RFTN1: variants seen among roughly 807,000 people sequenced by gnomAD.
The protein encoded by RFTN1 is raftlin, lipid raft linker 1.
RFTN1 carries 26 observed loss-of-function variants against 46.5 expected under a neutral mutation model. The ratio of observed to expected loss-of-function variants is 0.56; its 90% CI spans 0.41 to 0.78. The LOEUF is 0.78. Among genes scored for constraint, RFTN1 ranks in the 30% least tolerant of loss-of-function variants. The pLI is 0.00. For synonymous variants in RFTN1, 261 were observed against 284.2 expected (o/e 0.92, Z 0.82); for missense variants, 693 against 718.7 (o/e 0.96, Z 0.41).
rs748788340 is a variant in RFTN1 at position 16,506,024 on chromosome 3, C to G, written c.-9+7418G>C. ...TTACCTTCAGAAGCCGAGAAACAGG[C>G]AATAGACAAACAAATAAAAATAATA... On this transcript the variant is annotated intron_variant, in intron 1 of 9. Transcript: ENST00000334133. This position sits in a 1 kb window ranked among gnomAD's most constrained non-coding sequence, Gnocchi z 4.8. Among the ~76,000 whole-genome samples, 1 of 152,026 alleles carries G rather than the reference C, an allele frequency of 6.6e-6. No homozygotes were observed. Among genetic ancestry groups the G allele is most frequent in the Non-Finnish European group, 1.5e-5 (1 of 68,018 alleles).
At chr3:16,423,536 G>C (rs1575268937) in intron 3 of RFTN1, among the ~76,000 whole-genome samples, 1 of 152,180 alleles carries the variant, frequency 6.6e-6, no homozygotes, top group Admixed American at 6.5e-5. Flanking sequence ...CACTGGCTTG[G>C]ACAAGTACCA....
intron 1 of RFTN1, among the ~76,000 whole-genome samples, chr3:16,495,221 T>G (rs989548242): frequency 1.3e-5 from 2 of 152,232 alleles, no homozygotes; most frequent in Non-Finnish European, 2.9e-5. Flanking sequence ...ACTCTGTAGT[T>G]CTGCAGATGA....
In RFTN1 at chr3:16,345,920, T is replaced by A. The variant is rs1460364418; in HGVS notation, c.1146+12012A>T. On this transcript the variant is annotated intron_variant, in intron 7 of 9. Coordinates refer to ENST00000334133, the MANE Select transcript of RFTN1 (RefSeq NM_015150.2). This position sits in a 1 kb window ranked among gnomAD's most constrained non-coding sequence, Gnocchi z 5.2. The stretch of plus-strand genomic sequence containing the variant: ...CCCTAATACACTTCTTTCTTGTTGT[T>A]CTGTGGCATACACTGAATATTTTAA... The A allele has an allele frequency of 1.3e-5, 2 of 152,136 alleles. No individual in the cohort carries two copies. The highest frequency in any genetic ancestry group is 2.4e-5 in the African/African-American group (1 of 41,426). 9.4% of individuals were successfully genotyped at this position (152,136 alleles called of 1,614,324 possible).
rs546201446 is a variant in RFTN1 at position 16,501,544 on chromosome 3, T to A, written c.-8-7667A>T. On this transcript the variant is annotated intron_variant, in intron 1 of 9. Transcript: ENST00000334133. ...GCTAATCTAAGGCAGCCTGTAAAGC[T>A]AATTTTAACAAATGCCAACAGCTCG... Among the ~76,000 whole-genome samples the A allele has an allele frequency of 3.3e-5, 5 of 152,344 alleles. No individual in the cohort carries two copies. The East Asian group carries it at 9.6e-4, about 29-fold the overall frequency.
intron 4 of RFTN1, 95 bp from the exon 5 acceptor site, chr3:16,378,197 G>T: frequency 9.5e-7 from 1 of 1,054,052 alleles, no homozygotes; most frequent in Non-Finnish European, 1.4e-6. Context: ...AGGCCTGCGA[G>T]GCTGTTTCAG....
chr3:16,508,706 A>G (rs1419497511), intron 1 of RFTN1, among the ~76,000 whole-genome samples: 1 of 152,040 alleles, frequency 6.6e-6, no homozygotes, highest in African/African-American at 2.4e-5. Context: ...GCACACACAC[A>G]CACACACACA....
rs1047688565 is a variant in RFTN1, at chr3:16,356,334, G to C, written c.1146+1598C>G. ...CTGATCTCACACCAGGCTGTCACCT[G>C]GTTCCTGACTTCCCTCAGGACTTCT... On this transcript the variant is annotated intron_variant, in intron 7 of 9. Transcript: ENST00000334133. This position sits in a 1 kb window ranked among gnomAD's most constrained non-coding sequence, Gnocchi z 4.9. Among the ~76,000 whole-genome samples the C allele has an allele frequency of 6.6e-6, 1 of 152,184 alleles. No individual in the cohort carries two copies. The highest frequency in any genetic ancestry group is 1.5e-5 in the Non-Finnish European group (1 of 68,034).
At position 16,334,350 on chromosome 3, in the gene RFTN1, T is replaced by C. The variant is rs2070647193; in HGVS notation, c.1147-7474A>G. 6.6e-6 allele frequency among the ~76,000 whole-genome samples: 1 copy of C among 152,196 alleles called. No homozygotes were observed. The highest frequency in any genetic ancestry group is 1.5e-5 in the Non-Finnish European group (1 of 68,028). On this transcript the variant is annotated intron_variant, in intron 7 of 9. Transcript: ENST00000334133. This position sits in a 1 kb window ranked among gnomAD's most constrained non-coding sequence, Gnocchi z 4.3. ...GATTCAACCCTCCTGGAGAACAGTT[T>C]GACAGTATCTTTCAAAATTACAAAC...
rs1272409392 is a variant in RFTN1, at chr3:16,342,083, A to G, written c.1147-15207T>C. On this transcript the variant is annotated intron_variant, in intron 7 of 9. Transcript: ENST00000334133. This position sits in a 1 kb window ranked among gnomAD's most constrained non-coding sequence, Gnocchi z 4.0. ...TCTTAAAATTCACCTATTTAAAGCA[A>G]ACAATTCAGTGGTTTATAATATATT... Among the ~76,000 whole-genome samples, 2 of 152,216 alleles carry G rather than the reference A, an allele frequency of 1.3e-5. No individual in the cohort carries two copies. The highest frequency in any genetic ancestry group is 2.9e-5 in the Non-Finnish European group (2 of 68,046).
At chr3:16,369,898 A>G (rs1160327838) in intron 6 of RFTN1, among the ~76,000 whole-genome samples, 178 bp downstream of exon 6, 1 of 152,236 alleles carries the variant, frequency 6.6e-6, no homozygotes, top group Non-Finnish European at 1.5e-5. Context: ...TTTTGAGAGC[A>G]CAGGCCCTGG....
At chr3:16,416,826 C>G (rs1220757617) in intron 3 of RFTN1, among the ~76,000 whole-genome samples, 1 of 152,104 alleles carries the variant, frequency 6.6e-6, no homozygotes, top group Admixed American at 6.5e-5. Flanking sequence ...CAGAAAAACT[C>G]AAAACTACTT....
At chr3:16,372,584 G>A (rs1164678614) in intron 5 of RFTN1, among the ~76,000 whole-genome samples, 1 of 152,196 alleles carries the variant, frequency 6.6e-6, no homozygotes, top group African/African-American at 2.4e-5. Flanking sequence ...GGGGAATTTG[G>A]AAGTGGCCAA....
chr3:16,365,216 ACTT>A (rs753399667), intron 6 of RFTN1, among the ~76,000 whole-genome samples: 7 of 146,780 alleles, frequency 4.8e-5, no homozygotes, highest in Non-Finnish European at 1.1e-4. Context: ...ACCTGGTACT[ACTT>A]CATTCTCCCT....
At position 16,451,105 on chromosome 3, in the gene RFTN1, A is replaced by T. The variant is rs534423627; in HGVS notation, c.146-17068T>A. 3.3e-5 allele frequency among the ~76,000 whole-genome samples: 5 copies of T among 152,358 alleles called. No homozygotes were observed. In the South Asian group the frequency reaches 1.0e-3, roughly 32 times the overall value. ...AAACTCTCATTATGAGAAAACATGC[A>T]GACAGAAGATCAGGTCTCCAGCCAA... On this transcript the variant is annotated intron_variant, in intron 2 of 9. Coordinates refer to ENST00000334133, the MANE Select transcript of RFTN1 (RefSeq NM_015150.2). This position sits in a 1 kb window ranked among gnomAD's most constrained non-coding sequence, Gnocchi z 4.2.
chr3:16,331,420 ATGTT>A (rs1424633106), intron 7 of RFTN1, among the ~76,000 whole-genome samples: 1 of 152,198 alleles, frequency 6.6e-6, no homozygotes, highest in African/African-American at 2.4e-5. Context: ...TCAAAAGTCA[ATGTT>A]TGTGTTATCA....
chr3:16,390,767 G>A (rs913683441), intron 4 of RFTN1, among the ~76,000 whole-genome samples: 2 of 152,198 alleles, frequency 1.3e-5, no homozygotes, highest in Admixed American at 6.5e-5. Flanking sequence ...CCTCTGGGGA[G>A]TGTCTTAGAA....
intron 2 of RFTN1, among the ~76,000 whole-genome samples, chr3:16,455,823 G>C (rs768149040): frequency 4.6e-5 from 7 of 152,188 alleles, no homozygotes; most frequent in Non-Finnish European, 4.4e-5. Flanking sequence ...TACATCGGCT[G>C]TTCTGTCAAG....
chr3:16,318,637 T>C (rs554752483), intron 9 of RFTN1, among the ~76,000 whole-genome samples: 1 of 152,312 alleles, frequency 6.6e-6, no homozygotes, highest in Admixed American at 6.5e-5. Flanking sequence ...TAGCACCTTT[T>C]AGATAAGAAT....
In RFTN1 at chr3:16,338,513, G is replaced by C. The variant is rs952405668; in HGVS notation, c.1147-11637C>G. ...GAAGCTGACATCTTAAACACACATTGAGTGCTTCAGGGTGAGGGGGTCCTC... is the reference window on the plus strand; with the variant it reads ...GAAGCTGACATCTTAAACACACATTCAGTGCTTCAGGGTGAGGGGGTCCTC... On this transcript the variant is annotated intron_variant, in intron 7 of 9. Transcript: ENST00000334133. The surrounding 1 kb of genome is among the most constrained non-coding windows in gnomAD (Gnocchi z 5.3). Among the ~76,000 whole-genome samples the C allele has an allele frequency of 6.6e-6, 1 of 152,228 alleles. No individual in the cohort carries two copies. The highest frequency in any genetic ancestry group is 1.5e-5 in the Non-Finnish European group (1 of 68,040).
Sources: allele counts gnomAD v4.1 joint callset (sites outside exome capture counted in the v4.1 genomes callset), GRCh38; gene constraint gnomAD v4.1.1; non-coding constraint Gnocchi (gnomAD v3.1); transcripts MANE v1.5; gene names NCBI Gene and HGNC (gene_info 2026-07-23, HGNC 2026-07-21).